Variants in GNB1L observed in about 807,000 individuals in gnomAD.
GNB1L encodes the protein guanine nucleotide-binding protein subunit beta-like protein 1.
Under a neutral mutation model 29.1 loss-of-function variants are expected in GNB1L, and 20 were observed. The ratio of observed to expected loss-of-function variants is 0.69; its 90% CI spans 0.48 to 1.00. The LOEUF is 1.00. Ranked by LOEUF, GNB1L falls within the 50% of genes least tolerant of loss-of-function variation. GNB1L has a pLI of 0.00. For missense variants in GNB1L, 421 were observed against 464.9 expected (o/e 0.91, Z 0.87); for synonymous variants, 193 against 206.5 (o/e 0.93, Z 0.56).
At position 19,794,242 on chromosome 22, in the gene GNB1L, C is replaced by G. The variant is rs535096528; in HGVS notation, c.733-5282G>C. 2.6e-5 allele frequency among the ~76,000 whole-genome samples: 4 copies of G among 152,244 alleles called. No individual in the cohort carries two copies. In the East Asian group the frequency reaches 7.7e-4, roughly 29 times the overall value. ...CCCAGCCTGGGTGACAGAGCAAGAC[C>G]TTGCCTCAAAGAAAAGGGAAACTAA... On this transcript the variant is annotated intron_variant, in intron 7 of 7. Transcript: ENST00000329517.
At chr22:19,826,393 G>A (rs910176805) in intron 2 of GNB1L, among the ~76,000 whole-genome samples, 3 of 152,206 alleles carry the variant, frequency 2.0e-5, no homozygotes, top group Admixed American at 6.5e-5. Flanking sequence ...CCTAAGAAGT[G>A]CAAGGTTGTA....
chr22:19,837,231 G>T (rs1029882933), intron 2 of GNB1L, among the ~76,000 whole-genome samples: 19 of 152,202 alleles, frequency 1.2e-4, no homozygotes, highest in African/African-American at 4.6e-4. Flanking sequence ...CTCCCAAAGT[G>T]CTGGGATTAC....
At chr22:19,829,517 C>G (rs1937651109) in intron 2 of GNB1L, among the ~76,000 whole-genome samples, 1 of 151,924 alleles carries the variant, frequency 6.6e-6, no homozygotes. Flanking sequence ...TACTACGTAC[C>G]AATTTATGAG....
At chr22:19,806,897 G>T in intron 5 of GNB1L, 140 bp from the exon 6 acceptor site, 1 of 714,188 alleles carries the variant, frequency 1.4e-6, no homozygotes, top group African/African-American at 1.7e-5. Flanking sequence ...TGGGAGCCCA[G>T]GCTCCTAATT....
Position 19,802,172 on chromosome 22 carries a change from A to G in GNB1L, c.561T>C (p.Asp187=), listed in dbSNP as rs757443043. Residue 187 remains aspartate, a synonymous_variant, in exon 7 of 8, where the codon GAT becomes GAC. Coordinates refer to ENST00000329517, the MANE Select transcript of GNB1L (RefSeq NM_053004.3). ...SRPLLLAGYE[D]GSVVLWDVSE... is the part of the protein sequence containing the mutation. ...AGACGTCCCACAGGACCACCGATCC[A>G]TCCTCATAGCCGGCCAGAAGGAGTG... 6.2e-7 allele frequency: 1 copy of G among 1,613,204 alleles called. No individual in the cohort carries two copies. Among genetic ancestry groups the G allele is most frequent in the South Asian group, 1.1e-5 (1 of 91,080 alleles).
At chr22:19,838,331 C>A (rs1392500334) in intron 2 of GNB1L, among the ~76,000 whole-genome samples, 1 of 152,078 alleles carries the variant, frequency 6.6e-6, no homozygotes, top group Admixed American at 6.6e-5. Context: ...GGCTAAAATT[C>A]AGAAAAAAAC....
intron 5 of GNB1L, among the ~76,000 whole-genome samples, chr22:19,809,333 C>T (rs147781562): frequency 0.013 from 1,956 of 152,076 alleles, 20 homozygotes; most frequent in Non-Finnish European, 0.019. Context: ...CCAGGCCACC[C>T]AGCAGCCCAA....
intron 6 of GNB1L, 86 bp downstream of exon 6, chr22:19,806,573 C>G: frequency 1.2e-6 from 1 of 835,522 alleles, no homozygotes; most frequent in South Asian, 1.7e-5. Context: ...CTGAGTGGCT[C>G]GACGATAAAT....
chr22:19,820,762 A>T, intron 3 of GNB1L, 39 bp from the exon 4 acceptor site: 1 of 1,591,482 alleles, frequency 6.3e-7, no homozygotes, highest in Non-Finnish European at 8.6e-7. Flanking sequence ...AGGGGGCAGA[A>T]GGGTGTGCTG....
chr22:19,811,281 C>G (rs1204692109), intron 5 of GNB1L, among the ~76,000 whole-genome samples: 1 of 152,192 alleles, frequency 6.6e-6, no homozygotes, highest in Non-Finnish European at 1.5e-5. Context: ...GCGTGGGGGC[C>G]GTCCTGCCCA....
chr22:19,832,597 T>G (rs1465900945), intron 2 of GNB1L, among the ~76,000 whole-genome samples: 2 of 152,150 alleles, frequency 1.3e-5, no homozygotes, highest in Non-Finnish European at 2.9e-5. Context: ...CCCAAGAATG[T>G]GAGGGGAAAC....
chr22:19,814,308 G>A (rs903901083), intron 4 of GNB1L, among the ~76,000 whole-genome samples: 2 of 152,116 alleles, frequency 1.3e-5, no homozygotes, highest in Non-Finnish European at 2.9e-5. Flanking sequence ...AAAGGGTAAG[G>A]GTCTCAACAT....
chr22:19,847,035 A>G, intron 2 of GNB1L: 2 of 985,434 alleles, frequency 2.0e-6, no homozygotes, highest in Non-Finnish European at 1.2e-6. Flanking sequence ...CCCAGCCCAT[A>G]GGATGATCAG....
chr22:19,848,321 T>C (rs1198899444), intron 2 of GNB1L: 1 of 985,462 alleles, frequency 1.0e-6, no homozygotes, highest in Non-Finnish European at 1.2e-6. Flanking sequence ...TGCCAGGCTC[T>C]GCAGCTCCTG....
chr22:19,801,431 C>T (rs1024511641), intron 7 of GNB1L, among the ~76,000 whole-genome samples: 6 of 147,814 alleles, frequency 4.1e-5, no homozygotes, highest in Non-Finnish European at 9.0e-5. Context: ...GCCAGGCCAC[C>T]CTGGAGCCAC....
At chr22:19,825,291 C>T (rs1029287503) in intron 2 of GNB1L, among the ~76,000 whole-genome samples, 1 of 152,180 alleles carries the variant, frequency 6.6e-6, no homozygotes, top group Non-Finnish European at 1.5e-5. Flanking sequence ...CCCTGGGTGG[C>T]CCTCTCCCAA....
Position 19,843,214 on chromosome 22 carries a change from C to T in GNB1L, c.-21+11229G>A, listed in dbSNP as rs547969401. Reference sequence around the variant, plus strand: ...CCTCAGTAATTAGCCCTAATTATTACAGAGGGCCAGCCTCCCATTCGGTTA... The same window carrying T: ...CCTCAGTAATTAGCCCTAATTATTATAGAGGGCCAGCCTCCCATTCGGTTA... On this transcript the variant is annotated intron_variant, in intron 2 of 7. Coordinates refer to ENST00000329517, the MANE Select transcript of GNB1L (RefSeq NM_053004.3). 2.0e-5 allele frequency among the ~76,000 whole-genome samples: 3 copies of T among 152,368 alleles called. No individual in the cohort carries two copies. The South Asian group carries it at 6.2e-4, about 32-fold the overall frequency.
chr22:19,789,921 C>A (rs1268752369), intron 7 of GNB1L, among the ~76,000 whole-genome samples: 3 of 151,888 alleles, frequency 2.0e-5, no homozygotes, highest in Non-Finnish European at 4.4e-5. Flanking sequence ...ACAAAAAGAC[C>A]ATGTTGATGA....
At chr22:19,797,643 C>T (rs371317027) in intron 7 of GNB1L, among the ~76,000 whole-genome samples, 3 of 152,164 alleles carry the variant, frequency 2.0e-5, no homozygotes, top group Admixed American at 1.3e-4. Flanking sequence ...CCACCGCCTG[C>T]GCCCCCAACA....
Sources: allele counts gnomAD v4.1 joint callset (sites outside exome capture counted in the v4.1 genomes callset), GRCh38; gene constraint gnomAD v4.1.1; transcripts MANE v1.5; gene names NCBI Gene and HGNC (gene_info 2026-07-23, HGNC 2026-07-21).